The following TLN2 variants were observed in gnomAD, a reference collection of about 807,000 sequenced individuals.
TLN2 encodes talin-2.
TLN2 carries 118 observed loss-of-function variants against 294.7 expected under a neutral mutation model. The ratio of observed to expected loss-of-function variants is 0.40; its 90% CI spans 0.34 to 0.47. TLN2 has a LOEUF of 0.47. Among genes scored for constraint, TLN2 ranks in the 20% least tolerant of loss-of-function variants. The pLI is 0.84. For missense variants in TLN2, 3,083 were observed against 3,282.2 expected (o/e 0.94, Z 1.48); for synonymous variants, 1,431 against 1,304.5 (o/e 1.10, Z -2.09).
intron 11 of TLN2, among the ~76,000 whole-genome samples, chr15:62,682,322 G>T (rs2056904874): frequency 6.6e-6 from 1 of 152,110 alleles, no homozygotes; most frequent in South Asian, 2.1e-4. Flanking sequence ...ATTTAAAATT[G>T]GAAAATTCAT....
At chr15:62,466,824 A>G (rs912606131) in intron 1 of TLN2, among the ~76,000 whole-genome samples, 8 of 152,240 alleles carry the variant, frequency 5.3e-5, no homozygotes, top group African/African-American at 1.7e-4. Flanking sequence ...CAGATTTGGG[A>G]TGCTGATGAC....
At chr15:62,678,086 C>G (rs1220468097) in intron 11 of TLN2, among the ~76,000 whole-genome samples, 1 of 151,862 alleles carries the variant, frequency 6.6e-6, no homozygotes, top group African/African-American at 2.4e-5. Context: ...TGAGCCACCA[C>G]CCCTGGCCAA....
intron 2 of TLN2, among the ~76,000 whole-genome samples, chr15:62,602,779 C>CTG (rs1324823803): frequency 1.3e-5 from 2 of 152,002 alleles, no homozygotes; most frequent in Non-Finnish European, 2.9e-5. Flanking sequence ...TTCCCAAAGG[C>CTG]CCCACCTCCA....
chr15:62,717,696 T>TTCCGC lies in TLN2; in HGVS notation c.2877+10_2877+11insGCTCC. 1.3e-6 allele frequency: 2 copies of TTCCGC among 1,561,478 alleles called. No homozygotes were observed. The highest frequency in any genetic ancestry group is 1.7e-6 in the Non-Finnish European group (2 of 1,157,390). On this transcript the variant is annotated splice_region_variant and intron_variant, in intron 24 of 58. Transcript: ENST00000636159. Reference sequence around the variant, plus strand: ...GCTGGTCCAGAGTTGCAAGGTGAGGTTCCAGTGCACAGAGAGCCAGGTCAG... The same window carrying TTCCGC: ...GCTGGTCCAGAGTTGCAAGGTGAGGTTCCGCTCCAGTGCACAGAGAGCCAGGTCAG...
chr15:62,493,834 C>G (rs1458634366), intron 1 of TLN2, among the ~76,000 whole-genome samples: 1 of 152,126 alleles, frequency 6.6e-6, no homozygotes, highest in Non-Finnish European at 1.5e-5. Context: ...TGGTCTCGAT[C>G]TCCTGACCTC....
At chr15:62,705,281 C>T (rs1473795970) in intron 19 of TLN2, among the ~76,000 whole-genome samples, 1 of 152,212 alleles carries the variant, frequency 6.6e-6, no homozygotes, top group East Asian at 1.9e-4. Flanking sequence ...GCAACCTCCT[C>T]CAGTTATGGG....
chr15:62,471,294 G>A (rs1168588500), intron 1 of TLN2, among the ~76,000 whole-genome samples: 3 of 152,180 alleles, frequency 2.0e-5, no homozygotes, highest in Admixed American at 1.3e-4. Context: ...GCAGTGAGCC[G>A]AGATCATGCT....
intron 19 of TLN2, among the ~76,000 whole-genome samples, chr15:62,705,261 A>G (rs1187064107): frequency 6.6e-6 from 1 of 152,236 alleles, no homozygotes; most frequent in African/African-American, 2.4e-5. Flanking sequence ...CAGGGCAGTA[A>G]GGTGATCCTG....
intron 54 of TLN2, 129 bp downstream of exon 54, chr15:62,820,739 C>A: frequency 8.1e-7 from 1 of 1,234,398 alleles, no homozygotes; most frequent in Non-Finnish European, 1.1e-6. Flanking sequence ...AGCAGAAAAC[C>A]GGATCTACCT....
intron 1 of TLN2, among the ~76,000 whole-genome samples, chr15:62,573,110 G>A (rs1053665792): frequency 3.9e-5 from 6 of 152,244 alleles, no homozygotes; most frequent in South Asian, 4.1e-4. Context: ...ATCAGCATCC[G>A]GTGTTTATAA....
intron 1 of TLN2, among the ~76,000 whole-genome samples, chr15:62,411,805 C>T (rs2033797533): frequency 6.6e-6 from 1 of 152,042 alleles, no homozygotes; most frequent in African/African-American, 2.4e-5. Context: ...AATGGGGGCC[C>T]TAGAAGCAGG....
intron 3 of TLN2, chr15:62,644,455 T>G: frequency 2.2e-6 from 1 of 455,768 alleles, no homozygotes; most frequent in East Asian, 7.0e-5. Context: ...CAGTTCTCTC[T>G]CCATCTTTGC....
chr15:62,509,596 C>G (rs534344474), intron 1 of TLN2, among the ~76,000 whole-genome samples: 21 of 152,162 alleles, frequency 1.4e-4, no homozygotes, highest in Non-Finnish European at 2.2e-4. Context: ...GCATAACTTG[C>G]CTGGAATGCA....
intron 3 of TLN2, chr15:62,645,319 A>C (rs2051702375): frequency 6.6e-6 from 1 of 152,228 alleles, no homozygotes; most frequent in African/African-American, 2.4e-5. Context: ...GGCCTTAGTT[A>C]CTTAATTCAG....
rs192306704 is a variant in TLN2 at position 62,773,515 on chromosome 15, A to G, written c.5367+2381A>G. Among the ~76,000 whole-genome samples, 9 of 152,170 alleles carry G rather than the reference A, an allele frequency of 5.9e-5. No homozygotes were observed. The East Asian group carries it at 1.6e-3, about 26-fold the overall frequency. Reference sequence around the variant, plus strand: ...TAGCCCAAAGTGCGCCTGGGACACTACAAGTCTGCTTTTTTCAACCCTTTC... The same window carrying G: ...TAGCCCAAAGTGCGCCTGGGACACTGCAAGTCTGCTTTTTTCAACCCTTTC... On this transcript the variant is annotated intron_variant, in intron 42 of 58. Transcript: ENST00000636159.
chr15:62,493,657 C>T (rs1329777255), intron 1 of TLN2, among the ~76,000 whole-genome samples: 1 of 148,358 alleles, frequency 6.7e-6, no homozygotes, highest in Non-Finnish European at 1.5e-5. Context: ...GTTGACCAGG[C>T]TGGAGTGCAG....
chr15:62,839,574 G>C (rs2070344664), intron 58 of TLN2, among the ~76,000 whole-genome samples: 1 of 152,190 alleles, frequency 6.6e-6, no homozygotes, highest in Admixed American at 6.5e-5. Context: ...TCTCACGCAT[G>C]GGAGTGAGGA....
chr15:62,581,234 G>A (rs751104441), intron 1 of TLN2, among the ~76,000 whole-genome samples: 1 of 152,092 alleles, frequency 6.6e-6, no homozygotes, highest in African/African-American at 2.4e-5. Flanking sequence ...GAATGTCATC[G>A]AGTTGGAATT....
intron 11 of TLN2, among the ~76,000 whole-genome samples, chr15:62,678,088 C>T (rs2056435068): frequency 6.6e-6 from 1 of 151,912 alleles, no homozygotes; most frequent in African/African-American, 2.4e-5. Flanking sequence ...AGCCACCACC[C>T]CTGGCCAAGC....
Sources: gnomAD v4.1 joint callset for allele counts (sites outside exome capture counted in the v4.1 genomes callset) on GRCh38, gnomAD v4.1.1 for gene constraint, MANE v1.5 for transcripts, NCBI Gene and HGNC (gene_info 2026-07-23, HGNC 2026-07-21) for gene names.